The following FAM3D variants were observed in gnomAD, a reference collection of about 807,000 sequenced individuals.
FAM3D encodes the protein FAM3 metabolism regulating signaling molecule D, also known as protein FAM3D.
In FAM3D, 26 loss-of-function variants were observed where a neutral mutation model predicts 29.8. That is an observed-to-expected ratio of 0.87 (90% CI 0.64 to 1.21). The LOEUF (loss-of-function observed/expected upper bound fraction) is 1.21. FAM3D is among the 50% of genes most tolerant of loss of function. The pLI, the probability that FAM3D is intolerant of heterozygous loss-of-function variation, is 0.00. For synonymous variants in FAM3D, 115 were observed against 102.3 expected, an observed-to-expected ratio of 1.12 and a Z score of -0.75; for missense variants, 253 against 290.9, an observed-to-expected ratio of 0.87 and a Z score of 0.95.
intron 5 of FAM3D, 40 bp from the exon 6 acceptor site, chr3:58,643,760 G>A: frequency 6.3e-7 from 1 of 1,589,266 alleles, no homozygotes; most frequent in Non-Finnish European, 8.6e-7. Flanking sequence ...TCGGTCCCGA[G>A]TGTGGAATGA....
chr3:58,636,456 G>T, intron 8 of FAM3D, 36 bp from the exon 9 acceptor site: 1 of 1,610,570 alleles, frequency 6.2e-7, no homozygotes, highest in African/African-American at 1.3e-5. Flanking sequence ...AGGATGCGGG[G>T]GTGGGTCGCA....
chr3:58,636,328 G>A lies in FAM3D; in HGVS notation c.551C>T (p.Ala184Val). Residue 184 changes from alanine (A) to valine (V), a missense_variant, in exon 9 of 10, where the codon GCC becomes GTC. Transcript: ENST00000358781. ...GFRDSWVFIG[A>V]KDLRGKSPFE... is the part of the protein sequence containing the mutation. ...GGGGCTTTTACCCCTGAGGTCTTTG[G>A]CTCCTATGAAGACCCAGCTGTCCCG... 1 of 1,614,172 alleles carries A rather than the reference G, an allele frequency of 6.2e-7. No homozygotes were observed. Among genetic ancestry groups the A allele is most frequent in the Non-Finnish European group, 8.5e-7 (1 of 1,180,032 alleles).
intron 5 of FAM3D, among the ~76,000 whole-genome samples, chr3:58,644,027 A>G (rs2066409367): frequency 6.6e-6 from 1 of 152,196 alleles, no homozygotes; most frequent in Non-Finnish European, 1.5e-5. Context: ...GGCTGCTGGA[A>G]GGAGGCAGGA....
At chr3:58,650,008 G>C (rs570699593) in intron 3 of FAM3D, among the ~76,000 whole-genome samples, 163 of 152,350 alleles carry the variant, frequency 1.1e-3, no homozygotes, top group African/African-American at 3.7e-3. Context: ...CCATATTGGG[G>C]TGTCTCTTTC....
chr3:58,662,871 C>T (rs772567608), intron 1 of FAM3D, among the ~76,000 whole-genome samples: 24 of 152,168 alleles, frequency 1.6e-4, no homozygotes, highest in Admixed American at 1.0e-3. Context: ...GGGCTGGTGG[C>T]CCAAGCCAAG....
At chr3:58,661,777 G>A (rs1425205610) in intron 1 of FAM3D, among the ~76,000 whole-genome samples, 1 of 152,242 alleles carries the variant, frequency 6.6e-6, no homozygotes, top group African/African-American at 2.4e-5. Context: ...ACCTGGCACA[G>A]AGGAAGTGCT....
intron 1 of FAM3D, among the ~76,000 whole-genome samples, chr3:58,660,205 G>A (rs987387894): frequency 6.6e-6 from 1 of 152,172 alleles, no homozygotes; most frequent in African/African-American, 2.4e-5. Flanking sequence ...GAAGTGGCTG[G>A]CATATTAACA....
intron 5 of FAM3D, 91 bp from the exon 6 acceptor site, chr3:58,643,811 C>G (rs1374964277): frequency 4.4e-6 from 5 of 1,148,874 alleles, no homozygotes; most frequent in Non-Finnish European, 6.6e-6. Flanking sequence ...TGAGGACCCA[C>G]ATAAGCAATG....
intron 7 of FAM3D, among the ~76,000 whole-genome samples, chr3:58,638,409 A>G (rs2066236369): frequency 6.6e-6 from 1 of 152,224 alleles, no homozygotes; most frequent in African/African-American, 2.4e-5. Context: ...TAAAGCAGAG[A>G]CTATATCTGT....
chr3:58,653,546 T>C (rs761384923), intron 3 of FAM3D, 128 bp downstream of exon 3: 3 of 886,862 alleles, frequency 3.4e-6, no homozygotes, highest in Non-Finnish European at 5.4e-6. Flanking sequence ...CTCCCTGCAA[T>C]TGCTGGGGTC....
At chr3:58,645,408 G>A in intron 5 of FAM3D, 101 bp downstream of exon 5, 1 of 821,436 alleles carries the variant, frequency 1.2e-6, no homozygotes. Flanking sequence ...GCTGTGGGCT[G>A]GTCTCACAGG....
chr3:58,661,730 G>C (rs2066934555), intron 1 of FAM3D, among the ~76,000 whole-genome samples: 1 of 152,180 alleles, frequency 6.6e-6, no homozygotes, highest in South Asian at 2.1e-4. Flanking sequence ...CTCTAATTTA[G>C]TGAAGATTAA....
intron 1 of FAM3D, among the ~76,000 whole-genome samples, chr3:58,656,869 T>C (rs942612053): frequency 6.6e-6 from 1 of 152,172 alleles, no homozygotes; most frequent in African/African-American, 2.4e-5. Context: ...ATATGTACAT[T>C]GAGAGGTGCT....
chr3:58,636,677 G>T (rs1423541107), intron 8 of FAM3D, among the ~76,000 whole-genome samples: 1 of 152,116 alleles, frequency 6.6e-6, no homozygotes, highest in East Asian at 1.9e-4. Context: ...ACATTCATTT[G>T]GAAAATATGG....
intron 7 of FAM3D, among the ~76,000 whole-genome samples, chr3:58,639,023 G>A (rs76288074): frequency 0.049 from 7,438 of 152,312 alleles, 273 homozygotes; most frequent in Non-Finnish European, 0.077. Flanking sequence ...TTTCCTGAAG[G>A]GAAGGACTAC....
intron 3 of FAM3D, among the ~76,000 whole-genome samples, chr3:58,652,052 T>C (rs1368489676): frequency 6.6e-6 from 1 of 152,176 alleles, no homozygotes; most frequent in Non-Finnish European, 1.5e-5. Context: ...ATGATGTCAA[T>C]GTACATGGTT....
intron 3 of FAM3D, among the ~76,000 whole-genome samples, chr3:58,650,262 T>C (rs2066597202): frequency 6.6e-6 from 1 of 152,106 alleles, no homozygotes; most frequent in South Asian, 2.1e-4. Context: ...GGGCTGTCCA[T>C]CTGGAAATGT....
In FAM3D at chr3:58,643,681, T is replaced by C. The variant is rs1454490135; in HGVS notation, c.303A>G (p.Leu101=). The change falls in exon 6 of 10, where the codon CTA becomes CTG. Residue 101 remains leucine (L), a synonymous_variant. Transcript: ENST00000358781. ...SPVKNNVGRG[L]NIALVNGTTG... is the part of the protein sequence containing the mutation. ...ACTCACCATTCACCAGGGCGATGTT[T>C]AGGCCTCTGCCCACATTGTTTTTCA... The C allele has an allele frequency of 6.2e-7, 1 of 1,613,794 alleles. No homozygotes were observed. Among genetic ancestry groups the C allele is most frequent in the African/African-American group, 1.3e-5 (1 of 75,034 alleles).
intron 9 of FAM3D, among the ~76,000 whole-genome samples, chr3:58,636,012 C>T (rs2106692991): frequency 6.6e-6 from 1 of 152,378 alleles, no homozygotes; most frequent in Non-Finnish European, 1.5e-5. Context: ...CTTCATGCCT[C>T]ACTTGCCCAT....
Sources: allele counts gnomAD v4.1 joint callset (sites outside exome capture counted in the v4.1 genomes callset), GRCh38; gene constraint gnomAD v4.1.1; transcripts MANE v1.5; gene names NCBI Gene and HGNC (gene_info 2026-07-23, HGNC 2026-07-21).